ABITRAM: variants seen among roughly 807,000 people sequenced by gnomAD.
ABITRAM encodes protein Abitram.
Under a neutral mutation model 22.9 loss-of-function variants are expected in ABITRAM, and 19 were observed. That is an observed-to-expected ratio of 0.83 (90% CI 0.58 to 1.22). The LOEUF is 1.22. Among genes scored for constraint, ABITRAM ranks in the 50% most tolerant of loss-of-function variants. ABITRAM has a pLI of 0.00. For missense variants in ABITRAM, 215 were observed against 220.2 expected, an observed-to-expected ratio of 0.98 and a Z score of 0.15; for synonymous variants, 70 against 73.9, an observed-to-expected ratio of 0.95 and a Z score of 0.27.
At position 108,935,698 on chromosome 9, in the gene ABITRAM, A is replaced by G. The variant is rs1255474597; in HGVS notation, c.131+9A>G. The G allele has an allele frequency of 1.9e-6, 3 of 1,610,900 alleles. No homozygotes were observed. The highest frequency in any genetic ancestry group is 2.2e-5 in the South Asian group (2 of 90,722). ...CTACAGCACTCTAACCGGTAAGCAA[A>G]TTGGGAATTTTAAATTATCAAAAAT... On this transcript the variant is annotated intron_variant, in intron 2 of 5. Coordinates refer to ENST00000322940, the MANE Select transcript of ABITRAM (RefSeq NM_017832.4).
intron 1 of ABITRAM, 102 bp downstream of exon 1, chr9:108,934,667 CGT>C: frequency 8.9e-7 from 1 of 1,117,990 alleles, no homozygotes; most frequent in Non-Finnish European, 1.3e-6. Flanking sequence ...CCTGGCTCTC[CGT>C]CCCCACGTCA....
downstream of ABITRAM, among the ~76,000 whole-genome samples, chr9:108,941,126 AG>A (rs1446678125): frequency 6.6e-6 from 1 of 152,292 alleles, no homozygotes; most frequent in African/African-American, 2.4e-5. Flanking sequence ...GGAATTTTTA[AG>A]TTTTAATTAT....
downstream of ABITRAM, among the ~76,000 whole-genome samples, chr9:108,943,465 T>C (rs1209340896): frequency 6.6e-6 from 1 of 152,188 alleles, no homozygotes; most frequent in African/African-American, 2.4e-5. Context: ...GACTTCAGAA[T>C]TGAAGGGCAG....
downstream of ABITRAM, among the ~76,000 whole-genome samples, chr9:108,942,326 CAG>C (rs1830267966): frequency 3.3e-5 from 5 of 152,310 alleles, no homozygotes; most frequent in South Asian, 8.3e-4. Flanking sequence ...ACTTGGTAAA[CAG>C]AGGGATTGAA....
In ABITRAM at chr9:108,939,723, G is replaced by A; in HGVS notation, c.*37G>A. Reference sequence around the variant, plus strand: ...GAACAAAAAGCAAAGTGGGATTCTTGTTACCTGGCCTAAACCATCAGGGTA... The same window carrying A: ...GAACAAAAAGCAAAGTGGGATTCTTATTACCTGGCCTAAACCATCAGGGTA... On this transcript the variant is annotated 3_prime_UTR_variant, in exon 6 of 6. Coordinates refer to ENST00000322940, the MANE Select transcript of ABITRAM (RefSeq NM_017832.4). The A allele has an allele frequency of 6.2e-7, 1 of 1,609,368 alleles. No homozygotes were observed. The highest frequency in any genetic ancestry group is 8.5e-7 in the Non-Finnish European group (1 of 1,177,532).
At position 108,938,574 on chromosome 9, in the gene ABITRAM, T is replaced by G. The variant is rs370751383; in HGVS notation, c.262-622T>G. ...TAGTATTGACTCATGGGTCAATTAT[T>G]TTTATTTTGCTGCTTAAAACTTTTG... is the stretch of plus-strand genomic sequence containing the variant. On this transcript the variant is annotated intron_variant, in intron 3 of 5. Coordinates refer to ENST00000322940, the MANE Select transcript of ABITRAM (RefSeq NM_017832.4). 2.2e-4 allele frequency among the ~76,000 whole-genome samples: 34 copies of G among 152,254 alleles called. No homozygotes were observed. In the East Asian group the frequency reaches 5.6e-3, roughly 25 times the overall value.
At chr9:108,939,145 G>T in intron 3 of ABITRAM, 51 bp from the exon 4 acceptor site, 1 of 1,523,214 alleles carries the variant, frequency 6.6e-7, no homozygotes, top group Middle Eastern at 2.2e-4. Context: ...ACTTCTCAAA[G>T]GAAAGTGGAA....
chr9:108,945,417 G>A (rs181802979), downstream of ABITRAM, among the ~76,000 whole-genome samples: 18 of 148,736 alleles, frequency 1.2e-4, no homozygotes, highest in East Asian at 2.4e-3. Flanking sequence ...CTTTTAAAAT[G>A]TATTTTGTTT....
intron 3 of ABITRAM, among the ~76,000 whole-genome samples, chr9:108,938,242 G>A (rs1395809328): frequency 1.3e-5 from 2 of 152,144 alleles, no homozygotes; most frequent in Non-Finnish European, 2.9e-5. Context: ...AATGACTCTA[G>A]TATTTTAAAA....
rs1053504232 is a variant in ABITRAM, at chr9:108,940,823, G to C, written c.*1137G>C. On this transcript the variant is annotated 3_prime_UTR_variant, in exon 6 of 6. Transcript: ENST00000322940. ...GTAAAAAAAAACCTCCAACAACTGT[G>C]AATTTATAGTTTAAGAGTGATTTAC... The C allele has an allele frequency of 1.3e-5, 2 of 152,014 alleles. No individual in the cohort carries two copies. Among genetic ancestry groups the C allele is most frequent in the Non-Finnish European group, 2.9e-5 (2 of 67,978 alleles). The allele number at this position is 152,014 out of a possible 1,614,324, so 9.4% of individuals were successfully genotyped here.
rs757320934 is a variant in ABITRAM, at chr9:108,934,463, G to T, written c.-24G>T. On this transcript the variant is annotated 5_prime_UTR_variant, in exon 1 of 6. Transcript: ENST00000322940. ...GGAAGCGCTGGGGTCCCGGAGGGCG[G>T]GGGTGGCGGCGCCGGAGGTCGCCAT... is the stretch of plus-strand genomic sequence containing the variant. 1 of 1,583,638 alleles carries T rather than the reference G, an allele frequency of 6.3e-7. No homozygotes were observed. Among genetic ancestry groups the T allele is most frequent in the Non-Finnish European group, 8.6e-7 (1 of 1,166,988 alleles).
At chr9:108,934,669 T>C in intron 1 of ABITRAM, 104 bp downstream of exon 1, 1 of 1,100,726 alleles carries the variant, frequency 9.1e-7, no homozygotes, top group Non-Finnish European at 1.3e-6. Context: ...TGGCTCTCCG[T>C]CCCCACGTCA....
intron 3 of ABITRAM, chr9:108,948,293 T>C (rs565928759): frequency 3.6e-5 from 54 of 1,516,340 alleles, no homozygotes; most frequent in Middle Eastern, 1.7e-4. Flanking sequence ...AAATTGACTT[T>C]ATAATATTAA....
chr9:108,942,887 C>T, downstream of ABITRAM: 1 of 1,610,078 alleles, frequency 6.2e-7, no homozygotes, highest in Non-Finnish European at 8.5e-7. Flanking sequence ...AAAAAAATTA[C>T]AAAATTAAGT....
At chr9:108,949,573 G>C (rs1424491532) in intron 3 of ABITRAM, among the ~76,000 whole-genome samples, 1 of 152,174 alleles carries the variant, frequency 6.6e-6, no homozygotes, top group African/African-American at 2.4e-5. Flanking sequence ...GCCAGGTGTG[G>C]TGGCTAACGC....
In ABITRAM at chr9:108,940,234, C is replaced by CA. The variant is rs1284367053; in HGVS notation, c.*549dup. On this transcript the variant is annotated 3_prime_UTR_variant, in exon 6 of 6. Coordinates refer to ENST00000322940, the MANE Select transcript of ABITRAM (RefSeq NM_017832.4). Reference sequence around the variant, plus strand: ...GGGCCAACTGCAGGACTTGAGTTCTCACGTATGGATTTGGGTATATGTGGA... The same window carrying CA: ...GGGCCAACTGCAGGACTTGAGTTCTCAACGTATGGATTTGGGTATATGTGGA... The CA allele has an allele frequency of 1.3e-5, 2 of 152,426 alleles. No homozygotes were observed. Among genetic ancestry groups the CA allele is most frequent in the African/African-American group, 4.8e-5 (2 of 41,442 alleles). The allele number at this position is 152,426 out of a possible 1,614,324, so 9.4% of individuals were successfully genotyped here.
chr9:108,945,623 C>G (rs545879995), downstream of ABITRAM, among the ~76,000 whole-genome samples: 36 of 109,962 alleles, frequency 3.3e-4, no homozygotes, highest in African/African-American at 1.0e-3. Flanking sequence ...CACCATGCCC[C>G]GCTAGTTTTT....
At chr9:108,942,494 T>G, downstream of ABITRAM, 7 of 464,190 alleles carry the variant, frequency 1.5e-5, no homozygotes, top group East Asian at 3.6e-5. Flanking sequence ...AAATTGTCCT[T>G]GAGACAGTTG....
downstream of ABITRAM, among the ~76,000 whole-genome samples, chr9:108,944,955 T>C (rs1461746883): frequency 6.6e-6 from 1 of 152,206 alleles, no homozygotes; most frequent in Non-Finnish European, 1.5e-5. Flanking sequence ...ACATCTAGAC[T>C]CCAACCAAAT....
Sources: allele counts gnomAD v4.1 joint callset (sites outside exome capture counted in the v4.1 genomes callset), GRCh38; gene constraint gnomAD v4.1.1; transcripts MANE v1.5; gene names NCBI Gene and HGNC (gene_info 2026-07-23, HGNC 2026-07-21).